PPP6R3: variants seen among roughly 807,000 people sequenced by gnomAD.
PPP6R3 encodes the protein protein phosphatase 6 regulatory subunit 3.
In PPP6R3, 38 loss-of-function variants were observed where a neutral mutation model predicts 110.7. The observed-to-expected ratio is 0.34, with a 90% CI of 0.26 to 0.45. The LOEUF is 0.45. Among genes scored for constraint, PPP6R3 ranks in the 20% least tolerant of loss-of-function variants. The pLI is 1.00. For synonymous variants in PPP6R3, 369 were observed against 373.5 expected (o/e 0.99, Z 0.14); for missense variants, 870 against 1,062.4 (o/e 0.82, Z 2.52).
intron 15 of PPP6R3, 148 bp from the exon 16 acceptor site, chr11:68,587,776 AATT>A: frequency 1.3e-6 from 1 of 757,544 alleles, no homozygotes; most frequent in Non-Finnish European, 2.3e-6. Context: ...TTGTGTCTGA[AATT>A]ATTTGATTTT....
intron 17 of PPP6R3, 25 bp from the exon 18 acceptor site, chr11:68,591,550 GT>G: frequency 1.3e-6 from 2 of 1,557,078 alleles, no homozygotes; most frequent in African/African-American, 1.4e-5. Context: ...TTATTTTGTT[GT>G]TTTTTTCCTC....
chr11:68,498,794 C>G (rs2099032767), intron 1 of PPP6R3, among the ~76,000 whole-genome samples: 1 of 152,192 alleles, frequency 6.6e-6, no homozygotes, highest in African/African-American at 2.4e-5. Flanking sequence ...CAGTTTGTAT[C>G]TTTTGGTCAA....
intron 1 of PPP6R3, among the ~76,000 whole-genome samples, chr11:68,509,470 A>AT (rs34228704): frequency 0.18 from 21,428 of 116,442 alleles, 2,484 homozygotes; most frequent in African/African-American, 0.35. Context: ...TTACTTCTCT[A>AT]TTTTTTTTTT....
chr11:68,584,150 T>A (rs2099570937), intron 15 of PPP6R3, among the ~76,000 whole-genome samples: 1 of 152,236 alleles, frequency 6.6e-6, no homozygotes, highest in Admixed American at 6.5e-5. Context: ...CTTCTGCCTT[T>A]GACAGCAGAT....
intron 14 of PPP6R3, among the ~76,000 whole-genome samples, chr11:68,576,713 C>T (rs180853251): frequency 4.6e-5 from 7 of 152,244 alleles, no homozygotes; most frequent in East Asian, 3.9e-4. Flanking sequence ...AGCTGATAGT[C>T]GAGGGGTGGC....
intron 2 of PPP6R3, among the ~76,000 whole-genome samples, chr11:68,528,984 C>G (rs758595115): frequency 1.3e-5 from 2 of 152,166 alleles, no homozygotes; most frequent in Non-Finnish European, 2.9e-5. Flanking sequence ...CTTATAAACT[C>G]GGCCAGAGGT....
At chr11:68,484,885 C>G (rs186561629) in intron 1 of PPP6R3, among the ~76,000 whole-genome samples, 21 of 152,230 alleles carry the variant, frequency 1.4e-4, no homozygotes, top group African/African-American at 5.1e-4. Flanking sequence ...CAGCGCCCAG[C>G]CTTCTTTATA....
At position 68,537,898 on chromosome 11, in the gene PPP6R3, C is replaced by G; in HGVS notation, c.227+7C>G. The stretch of plus-strand genomic sequence containing the variant: ...ATGAAAAGATCAGATACAAGTAAGA[C>G]AATTCAATCTTCTCTGTAGAGTGGG... On this transcript the variant is annotated splice_region_variant and intron_variant, in intron 3 of 23. Coordinates refer to ENST00000393800, the MANE Select transcript of PPP6R3 (RefSeq NM_001164161.2). 7 of 1,584,146 alleles carry G rather than the reference C, an allele frequency of 4.4e-6. No homozygotes were observed. Among genetic ancestry groups the G allele is most frequent in the Non-Finnish European group, 6.1e-6 (7 of 1,154,110 alleles).
chr11:68,532,865 G>A (rs992325281), intron 2 of PPP6R3, among the ~76,000 whole-genome samples: 2 of 152,210 alleles, frequency 1.3e-5, no homozygotes, highest in African/African-American at 4.8e-5. Flanking sequence ...GATAGCCTAG[G>A]TGTGTAGTAG....
At chr11:68,612,803 G>A (rs564636532) in intron 23 of PPP6R3, 11 of 532,706 alleles carry the variant, frequency 2.1e-5, no homozygotes, top group South Asian at 1.2e-4. Flanking sequence ...TGGAGGCCGC[G>A]GTGGGGCGGT....
intron 1 of PPP6R3, among the ~76,000 whole-genome samples, chr11:68,475,267 G>T (rs2098820330): frequency 6.6e-6 from 1 of 152,206 alleles, no homozygotes; most frequent in Non-Finnish European, 1.5e-5. Context: ...CAAGGCAGAA[G>T]AATTTTTCTT....
intron 19 of PPP6R3, among the ~76,000 whole-genome samples, chr11:68,599,257 G>C (rs906497755): frequency 2.0e-5 from 3 of 152,222 alleles, no homozygotes; most frequent in African/African-American, 2.4e-5. Flanking sequence ...GCAAAGAATT[G>C]AGGATTCAGC....
At chr11:68,461,925 G>A (rs2098710781) in intron 1 of PPP6R3, among the ~76,000 whole-genome samples, 1 of 152,216 alleles carries the variant, frequency 6.6e-6, no homozygotes, top group African/African-American at 2.4e-5. Flanking sequence ...CAAGTAGCAA[G>A]TGTATGAGAC....
At position 68,615,198 on chromosome 11, in the gene PPP6R3, C is replaced by A. The variant is rs368324749; in HGVS notation, c.*2081C>A. The A allele has an allele frequency of 2.4e-6, 1 of 409,080 alleles. No individual in the cohort carries two copies. The highest frequency in any genetic ancestry group is 4.9e-6 in the Non-Finnish European group (1 of 204,710). 25.3% of individuals were successfully genotyped at this position (409,080 alleles called of 1,614,324 possible). A position where few individuals can be genotyped will look rare whatever the true frequency, so the allele number is the denominator to read the frequency against. On this transcript the variant is annotated 3_prime_UTR_variant, in exon 24 of 24. Transcript: ENST00000393800. The stretch of plus-strand genomic sequence containing the variant: ...GGAGGGGCCAAGCCAAGGACAGGAG[C>A]AAGTGTGCCCTCATTTTGTTTCTAC...
intron 1 of PPP6R3, among the ~76,000 whole-genome samples, chr11:68,517,372 A>G (rs1003210283): frequency 3.3e-5 from 5 of 152,184 alleles, no homozygotes; most frequent in African/African-American, 9.7e-5. Flanking sequence ...TTTGTTTGCT[A>G]TAAAAGGACA....
intron 8 of PPP6R3, among the ~76,000 whole-genome samples, chr11:68,563,225 C>T (rs1027867881): frequency 6.6e-6 from 1 of 152,114 alleles, no homozygotes; most frequent in African/African-American, 2.4e-5. Context: ...AATTTATCCT[C>T]TCACAGTTCT....
chr11:68,597,062 C>T (rs1206811702), intron 19 of PPP6R3, among the ~76,000 whole-genome samples: 1 of 152,238 alleles, frequency 6.6e-6, no homozygotes, highest in African/African-American at 2.4e-5. Flanking sequence ...GTGGACTTTT[C>T]TGTCCGTAAT....
At chr11:68,463,092 G>T (rs2098719760) in intron 1 of PPP6R3, among the ~76,000 whole-genome samples, 1 of 152,116 alleles carries the variant, frequency 6.6e-6, no homozygotes, top group African/African-American at 2.4e-5. Flanking sequence ...ATAAAGCTTT[G>T]GCCGGGCGCA....
chr11:68,464,074 T>G (rs567225836), intron 1 of PPP6R3, among the ~76,000 whole-genome samples: 2 of 152,302 alleles, frequency 1.3e-5, no homozygotes, highest in South Asian at 2.1e-4. Context: ...ATTAGAATAA[T>G]TAGAAATTTT....
Sources: allele counts gnomAD v4.1 joint callset (sites outside exome capture counted in the v4.1 genomes callset), GRCh38; gene constraint gnomAD v4.1.1; transcripts MANE v1.5; gene names NCBI Gene and HGNC (gene_info 2026-07-23, HGNC 2026-07-21).